Variants in DOP1B observed in about 807,000 individuals in gnomAD.
DOP1B encodes the protein protein DOP1B.
A neutral mutation model predicts 233.5 loss-of-function variants in DOP1B; 174 were observed. The ratio of observed to expected loss-of-function variants is 0.75; its 90% CI spans 0.66 to 0.85. DOP1B has a LOEUF of 0.85. Among genes scored for constraint, DOP1B ranks in the 40% least tolerant of loss-of-function variants. DOP1B has a pLI of 0.00. For synonymous variants in DOP1B, 1,190 were observed against 1,185.6 expected, an observed-to-expected ratio of 1.00 and a Z score of -0.08; for missense variants, 2,652 against 2,846.6, an observed-to-expected ratio of 0.93 and a Z score of 1.56.
chr21:36,260,654 A>G, intron 23 of DOP1B, 23 bp from the exon 24 acceptor site: 1 of 1,613,330 alleles, frequency 6.2e-7, no homozygotes, highest in Non-Finnish European at 8.5e-7. Flanking sequence ...ACTCGGAGTA[A>G]TTGGTTTTAC....
At chr21:36,215,217 T>C (rs1190339346) in intron 9 of DOP1B, among the ~76,000 whole-genome samples, 3 of 152,196 alleles carry the variant, frequency 2.0e-5, no homozygotes, top group Non-Finnish European at 4.4e-5. Context: ...TCCATCTTTT[T>C]GCCTTGGGAT....
At chr21:36,265,783 C>G (rs961436809) in intron 26 of DOP1B, among the ~76,000 whole-genome samples, 1 of 152,230 alleles carries the variant, frequency 6.6e-6, no homozygotes, top group Admixed American at 6.5e-5. Context: ...TTCTTCCCCA[C>G]TGAGGATATA....
chr21:36,250,585 G>A (rs1330487799), intron 21 of DOP1B, among the ~76,000 whole-genome samples: 1 of 152,212 alleles, frequency 6.6e-6, no homozygotes, highest in Admixed American at 6.5e-5. Context: ...AGCGAGAAAC[G>A]TGGCGGGAAC....
chr21:36,254,546 C>G (rs2067070414), intron 23 of DOP1B, among the ~76,000 whole-genome samples: 1 of 152,092 alleles, frequency 6.6e-6, no homozygotes, highest in Non-Finnish European at 1.5e-5. Flanking sequence ...TCCTACCCTC[C>G]CACAGAGGCT....
chr21:36,198,517 A>G (rs2066320406), intron 2 of DOP1B, among the ~76,000 whole-genome samples: 1 of 152,016 alleles, frequency 6.6e-6, no homozygotes, highest in Non-Finnish European at 1.5e-5. Flanking sequence ...GCCACGAAGG[A>G]CAGCATCGAT....
At chr21:36,288,220 G>T (rs998636812) in intron 33 of DOP1B, 70 bp downstream of exon 33, 5 of 1,451,750 alleles carry the variant, frequency 3.4e-6, no homozygotes, top group East Asian at 2.3e-5. Context: ...GTAACATAAC[G>T]TACTATTTCC....
At chr21:36,268,127 T>C (rs2067251082) in intron 26 of DOP1B, among the ~76,000 whole-genome samples, 1 of 152,132 alleles carries the variant, frequency 6.6e-6, no homozygotes, top group Admixed American at 6.6e-5. Context: ...TTCCCCACTC[T>C]AGTAAGCCTG....
At chr21:36,177,440 T>G (rs1363317182) in intron 2 of DOP1B, among the ~76,000 whole-genome samples, 1 of 152,226 alleles carries the variant, frequency 6.6e-6, no homozygotes, top group Non-Finnish European at 1.5e-5. Flanking sequence ...CATTCTTCCT[T>G]TCAGGTCTGC....
chr21:36,239,765 G>A lies in DOP1B; in HGVS notation c.2877G>A (p.Arg959=). 6.5e-7 allele frequency: 1 copy of A among 1,532,956 alleles called. No individual in the cohort carries two copies. The highest frequency in any genetic ancestry group is 8.8e-7 in the Non-Finnish European group (1 of 1,137,344). 95.0% of individuals were successfully genotyped at this position (1,532,956 alleles called of 1,614,324 possible). A position where few individuals can be genotyped will look rare whatever the true frequency, so the allele number is the denominator to read the frequency against. Reference sequence around the variant, plus strand: ...CTCACTGGTGTGTTTCCCACTGCAGGTCCTTGTTTGTCGTGCTGGACAGCC... The same window carrying A: ...CTCACTGGTGTGTTTCCCACTGCAGATCCTTGTTTGTCGTGCTGGACAGCC... ...RVTSHNRSFD[R]SLFVVLDSLA... The change falls in exon 18 of 37, where the codon AGG becomes AGA. Residue 959 remains arginine (R), a splice_region_variant and synonymous_variant. Transcript: ENST00000691173.
intron 1 of DOP1B, among the ~76,000 whole-genome samples, chr21:36,159,608 C>T (rs1339421185): frequency 6.6e-6 from 1 of 152,212 alleles, no homozygotes; most frequent in African/African-American, 2.4e-5. Flanking sequence ...CTGGTAGTTA[C>T]ACCAAATAGC....
rs1418465265 is a variant in DOP1B, at chr21:36,156,826, C to T, written c.-144C>T. On this transcript the variant is annotated 5_prime_UTR_variant, in exon 1 of 37. Transcript: ENST00000691173. ...AGCCGCTGCCGCTGGTTCTCCGGCT[C>T]TTCCTCGGCGGTTCTGGCTCCCGGC... is the stretch of plus-strand genomic sequence containing the variant. The T allele has an allele frequency of 6.6e-6, 1 of 152,624 alleles. No homozygotes were observed. Among genetic ancestry groups the T allele is most frequent in the Non-Finnish European group, 1.5e-5 (1 of 68,226 alleles). The allele number at this position is 152,624 out of a possible 1,614,324, so 9.5% of individuals were successfully genotyped here.
At chr21:36,206,647 G>A (rs1235159324) in intron 4 of DOP1B, among the ~76,000 whole-genome samples, 3 of 152,166 alleles carry the variant, frequency 2.0e-5, no homozygotes, top group Admixed American at 2.0e-4. Flanking sequence ...CCTCTTCTGT[G>A]GAACATCTCT....
intron 1 of DOP1B, among the ~76,000 whole-genome samples, chr21:36,160,477 CTTTT>C (rs5843748): frequency 2.4e-5 from 3 of 122,800 alleles, no homozygotes; most frequent in Non-Finnish European, 5.0e-5. Flanking sequence ...TTTAAGTTTT[CTTTT>C]TTTTTTTTTT....
At chr21:36,277,439 C>T (rs1017660311) in intron 28 of DOP1B, among the ~76,000 whole-genome samples, 61 of 151,576 alleles carry the variant, frequency 4.0e-4, no homozygotes, top group African/African-American at 1.3e-3. Context: ...CGCGCCATCA[C>T]GCCCAGCTAG....
chr21:36,161,477 G>T (rs9983026), intron 1 of DOP1B, among the ~76,000 whole-genome samples: 114,934 of 151,532 alleles, frequency 0.76, 43,683 homozygotes, highest in East Asian at 0.83. Context: ...ACTATAATTT[G>T]CAGCTCATAA....
At chr21:36,260,202 AAAGGG>A (rs2067152947) in intron 23 of DOP1B, among the ~76,000 whole-genome samples, 1 of 146,462 alleles carries the variant, frequency 6.8e-6, no homozygotes, top group Non-Finnish European at 1.5e-5. Flanking sequence ...AAGAAAAAGG[AAAGGG>A]AAGGGAAGGG....
At position 36,258,882 on chromosome 21, in the gene DOP1B, G is replaced by A. The variant is rs74375497; in HGVS notation, c.5260-1795G>A. Among the ~76,000 whole-genome samples, 271 of 152,126 alleles carry A rather than the reference G, an allele frequency of 1.8e-3. 7 individuals carry two copies. In the East Asian group the frequency reaches 0.039, roughly 22 times the overall value. ...GTGCTTAAGGCTTCGAATGTAAAAG[G>A]ACCCGGATGACTTCCACAGTATTTC... On this transcript the variant is annotated intron_variant, in intron 23 of 36. Coordinates refer to ENST00000691173, the MANE Select transcript of DOP1B (RefSeq NM_001320714.2).
At chr21:36,205,045 T>G (rs1427872730) in intron 4 of DOP1B, among the ~76,000 whole-genome samples, 2 of 152,230 alleles carry the variant, frequency 1.3e-5, no homozygotes, top group East Asian at 3.9e-4. Context: ...GCGCTGTTTC[T>G]GACCTGCAGT....
intron 2 of DOP1B, among the ~76,000 whole-genome samples, chr21:36,166,854 G>A (rs1451267439): frequency 6.6e-6 from 1 of 152,228 alleles, no homozygotes; most frequent in Non-Finnish European, 1.5e-5. Context: ...CTTACAGCTC[G>A]TGGCCAGTAA....
Sources: gnomAD v4.1 joint callset for allele counts (sites outside exome capture counted in the v4.1 genomes callset) on GRCh38, gnomAD v4.1.1 for gene constraint, MANE v1.5 for transcripts, NCBI Gene and HGNC (gene_info 2026-07-23, HGNC 2026-07-21) for gene names.